The following BRAF variants were observed in gnomAD, a reference collection of about 807,000 sequenced individuals.
BRAF encodes B-Raf proto-oncogene, serine/threonine kinase, also known as serine/threonine-protein kinase B-raf.
A neutral mutation model predicts 104.6 loss-of-function variants in BRAF; 16 were observed. The observed-to-expected ratio is 0.15, with a 90% confidence interval of 0.10 to 0.23. The LOEUF (loss-of-function observed/expected upper bound fraction) is 0.23. Ranked by LOEUF, BRAF falls within the 10% of genes least tolerant of loss-of-function variation. The pLI, the probability that BRAF is intolerant of heterozygous loss-of-function variation, is 1.00. For missense variants in BRAF, 541 were observed against 937.3 expected (o/e 0.58, Z 5.52); for synonymous variants, 310 against 341.6 (o/e 0.91, Z 1.02).
intron 18 of BRAF, among the ~76,000 whole-genome samples, chr7:140,735,935 G>A (rs1796378495): frequency 6.6e-6 from 1 of 152,170 alleles, no homozygotes; most frequent in Admixed American, 6.5e-5. Flanking sequence ...GAAGTAAGCA[G>A]TTGCAAAAAA....
chr7:140,918,138 A>G (rs1817818976), intron 1 of BRAF, among the ~76,000 whole-genome samples: 1 of 152,210 alleles, frequency 6.6e-6, no homozygotes, highest in Non-Finnish European at 1.5e-5. Context: ...AAATTTTTAC[A>G]GCCATAAAAC....
At chr7:140,917,578 C>T (rs751633829) in intron 1 of BRAF, among the ~76,000 whole-genome samples, 4 of 152,180 alleles carry the variant, frequency 2.6e-5, no homozygotes, top group Admixed American at 1.3e-4. Context: ...CTGGGCAATA[C>T]AGTGAAACTC....
At chr7:140,811,836 T>A (rs1187372654) in intron 3 of BRAF, among the ~76,000 whole-genome samples, 5 of 152,156 alleles carry the variant, frequency 3.3e-5, no homozygotes, top group African/African-American at 1.2e-4. Flanking sequence ...AGGAGCAAGG[T>A]TCAGTGTTCA....
chr7:140,836,819 G>GATCA (rs1194437909), intron 2 of BRAF, among the ~76,000 whole-genome samples: 1 of 152,138 alleles, frequency 6.6e-6, no homozygotes, highest in Non-Finnish European at 1.5e-5. Context: ...ACTCTTTGAA[G>GATCA]ATCACATAAA....
chr7:140,910,120 G>C (rs184441539), intron 1 of BRAF, among the ~76,000 whole-genome samples: 140 of 152,154 alleles, frequency 9.2e-4, no homozygotes, highest in South Asian at 2.1e-3. Context: ...GCAATATAAA[G>C]TGCACTTTTT....
chr7:140,791,052 G>A (rs973179166), intron 8 of BRAF, among the ~76,000 whole-genome samples: 13 of 152,084 alleles, frequency 8.5e-5, no homozygotes, highest in South Asian at 8.3e-4. Flanking sequence ...AGTGAGCAGC[G>A]ATCACACCAC....
At chr7:140,727,628 CT>C (rs548667401) in intron 19 of BRAF, among the ~76,000 whole-genome samples, 17 of 147,296 alleles carry the variant, frequency 1.2e-4, no homozygotes, top group African/African-American at 2.5e-4. Flanking sequence ...CACTATTTTT[CT>C]TTTTTTTTTG....
intron 17 of BRAF, among the ~76,000 whole-genome samples, chr7:140,744,775 AC>A (rs913566337): frequency 6.6e-6 from 1 of 152,212 alleles, no homozygotes; most frequent in Non-Finnish European, 1.5e-5. Context: ...TCATTAAGAT[AC>A]ATATTTCCAA....
Position 140,790,790 on chromosome 7 carries a change from A to T in BRAF, c.1141-3206T>A, listed in dbSNP as rs189117130. On this transcript the variant is annotated intron_variant, in intron 8 of 19. Coordinates refer to ENST00000644969, the MANE Select transcript of BRAF (RefSeq NM_001374258.1). ...CTTCTTCCTCTCCAGTTACAAATAT[A>T]CTAATGTCTCTTACATTAAAAACAA... Among the ~76,000 whole-genome samples, 4 of 152,288 alleles carry T rather than the reference A, an allele frequency of 2.6e-5. No homozygotes were observed. The East Asian group carries it at 7.7e-4, about 29-fold the overall frequency.
At chr7:140,749,063 A>T in intron 17 of BRAF, 1 of 505,822 alleles carries the variant, frequency 2.0e-6, no homozygotes, top group Non-Finnish European at 3.5e-6. Flanking sequence ...CTAGTCAGAA[A>T]ATCAGGAATT....
intron 2 of BRAF, 183 bp from the exon 3 acceptor site, chr7:140,835,055 C>A: frequency 1.5e-6 from 1 of 677,028 alleles, no homozygotes; most frequent in South Asian, 1.9e-5. Context: ...TTGATAAATT[C>A]TTTGTTATTA....
intron 3 of BRAF, among the ~76,000 whole-genome samples, chr7:140,810,723 G>A (rs1343932330): frequency 6.6e-6 from 1 of 152,100 alleles, no homozygotes; most frequent in Non-Finnish European, 1.5e-5. Flanking sequence ...CTCTCTACTT[G>A]CTAAAATTTA....
intron 1 of BRAF, among the ~76,000 whole-genome samples, chr7:140,863,442 G>C (rs4330606): frequency 6.6e-6 from 1 of 152,208 alleles, no homozygotes; most frequent in Non-Finnish European, 1.5e-5. Context: ...ACGGTAAGTA[G>C]AGTTTTAATT....
At chr7:140,740,768 C>A (rs536189297) in intron 17 of BRAF, 3 of 152,374 alleles carry the variant, frequency 2.0e-5, no homozygotes, top group African/African-American at 7.2e-5. Flanking sequence ...AAGCTTGATA[C>A]ATTGTGTTAT....
chr7:140,717,213 T>C (rs1383427648), downstream of BRAF, among the ~76,000 whole-genome samples: 1 of 152,208 alleles, frequency 6.6e-6, no homozygotes, highest in East Asian at 1.9e-4. Flanking sequence ...GGGTCCTGGC[T>C]ACATAAGCCT....
intron 7 of BRAF, chr7:140,799,044 G>T (rs991102541): frequency 5.6e-5 from 10 of 177,320 alleles, no homozygotes; most frequent in African/African-American, 2.4e-4. Flanking sequence ...AGTAGAGACA[G>T]GGTTTCACCA....
At chr7:140,886,371 A>T (rs1813563332) in intron 1 of BRAF, among the ~76,000 whole-genome samples, 1 of 152,164 alleles carries the variant, frequency 6.6e-6, no homozygotes, top group African/African-American at 2.4e-5. Context: ...ACTGATTCAC[A>T]ACACTCCCCT....
intron 19 of BRAF, chr7:140,733,146 A>C (rs1210139793): frequency 1.3e-5 from 2 of 152,202 alleles, no homozygotes; most frequent in Non-Finnish European, 2.9e-5. Context: ...GATTTGCCGT[A>C]ATTATTATTG....
intron 1 of BRAF, among the ~76,000 whole-genome samples, chr7:140,898,880 T>C (rs1409283166): frequency 6.6e-6 from 1 of 152,212 alleles, no homozygotes; most frequent in Non-Finnish European, 1.5e-5. Flanking sequence ...TTGCACTTAA[T>C]CTTTTGTGAC....
Sources: gnomAD v4.1 joint callset for allele counts (sites outside exome capture counted in the v4.1 genomes callset) on GRCh38, gnomAD v4.1.1 for gene constraint, MANE v1.5 for transcripts, NCBI Gene and HGNC (gene_info 2026-07-23, HGNC 2026-07-21) for gene names.